PHLPP1: variants seen among roughly 807,000 people sequenced by gnomAD.
PHLPP1 encodes the protein PH domain and leucine rich repeat protein phosphatase 1, also known as PH domain leucine-rich repeat-containing protein phosphatase 1.
Under a neutral mutation model 117.2 loss-of-function variants are expected in PHLPP1, and 42 were observed. That is an observed-to-expected ratio of 0.36 (90% CI 0.28 to 0.46). PHLPP1 has a LOEUF of 0.46. Ranked by LOEUF, PHLPP1 falls within the 20% of genes least tolerant of loss-of-function variation. The probability of loss-of-function intolerance (pLI) is 1.00; values close to 1 mark genes in which losing one functional copy is unlikely to be tolerated. For synonymous variants in PHLPP1, 1,042 were observed against 970.7 expected (o/e 1.07, Z -1.37); for missense variants, 2,084 against 2,241.9 (o/e 0.93, Z 1.42).
At chr18:62,900,469 G>T in intron 6 of PHLPP1, among the ~76,000 whole-genome samples, 1 of 110,824 alleles carries the variant, frequency 9.0e-6, no homozygotes, top group Non-Finnish European at 1.7e-5. Flanking sequence ...TTTGAGACAG[G>T]GTCTCACTTT....
chr18:62,920,143 G>C, intron 10 of PHLPP1, 29 bp downstream of exon 10: 1 of 1,598,508 alleles, frequency 6.3e-7, no homozygotes, highest in South Asian at 1.1e-5. Context: ...TTTATCATCT[G>C]AGTCTATAAA....
chr18:62,717,238 T>C lies in PHLPP1; in HGVS notation c.1555T>C (p.Cys519Arg). ...QEEGMDSEIG[C>R]LIRFYAGKPH... is the part of the protein sequence containing the mutation. ...GGAAGGCATGGACTCGGAGATTGGC[T>C]GCCTCATCCGCTTCTATGCAGGTAA... The change falls in exon 1 of 17, where the codon TGC (cysteine) becomes CGC (arginine). Residue 519 changes from cysteine (C) to arginine (R), a missense_variant. Cys to Arg is a radical substitution (Grantham distance 180). Around this residue, in one of 2 missense-constraint regions of PHLPP1, gnomAD observed 1,365 missense variants for 1,605.9 expected, o/e 0.85. Transcript: ENST00000262719. The C allele has an allele frequency of 6.3e-7, 1 of 1,596,600 alleles. No homozygotes were observed. The highest frequency in any genetic ancestry group is 2.2e-5 in the East Asian group (1 of 44,506).
Position 62,777,244 on chromosome 18 carries a change from G to A in PHLPP1, c.1577-52791G>A, listed in dbSNP as rs544107235. On this transcript the variant is annotated intron_variant, in intron 1 of 16. Transcript: ENST00000262719. ...TCTTTTAAATTTGAGCCATTCTAAT[G>A]AGCTTGTAGTGGTATCTTATTGTAG... 7.2e-5 allele frequency among the ~76,000 whole-genome samples: 11 copies of A among 152,228 alleles called. No individual in the cohort carries two copies. In the East Asian group the frequency reaches 1.5e-3, roughly 21 times the overall value.
At chr18:62,864,180 C>A (rs1915710208) in intron 4 of PHLPP1, among the ~76,000 whole-genome samples, 1 of 152,020 alleles carries the variant, frequency 6.6e-6, no homozygotes, top group African/African-American at 2.4e-5. Context: ...CGCCACCACT[C>A]CCAGCTAATT....
At chr18:62,769,003 T>A (rs2144262845) in intron 1 of PHLPP1, among the ~76,000 whole-genome samples, 1 of 152,172 alleles carries the variant, frequency 6.6e-6, no homozygotes, top group East Asian at 1.9e-4. Flanking sequence ...CAAGGTTGAA[T>A]TAGAAATAAA....
At chr18:62,917,369 A>G (rs915642573) in intron 9 of PHLPP1, among the ~76,000 whole-genome samples, 2 of 148,164 alleles carry the variant, frequency 1.3e-5, no homozygotes, top group Non-Finnish European at 3.0e-5. Context: ...CAAATGCTCT[A>G]TTGTTAAAGA....
intron 3 of PHLPP1, among the ~76,000 whole-genome samples, chr18:62,845,491 C>T (rs1477265884): frequency 6.6e-6 from 1 of 152,250 alleles, no homozygotes; most frequent in African/African-American, 2.4e-5. Flanking sequence ...CTTTTGGTTT[C>T]ATTTGCTTAG....
At chr18:62,728,666 A>C (rs1430142241) in intron 1 of PHLPP1, among the ~76,000 whole-genome samples, 2 of 151,730 alleles carry the variant, frequency 1.3e-5, no homozygotes, top group Non-Finnish European at 2.9e-5. Flanking sequence ...ACACCACTAC[A>C]CCTGGGTACT....
chr18:62,768,697 TG>T (rs1437527546), intron 1 of PHLPP1, among the ~76,000 whole-genome samples: 3 of 152,186 alleles, frequency 2.0e-5, no homozygotes, highest in African/African-American at 7.2e-5. Flanking sequence ...GAAAAGAGGC[TG>T]CTCTAGGCAT....
chr18:62,833,764 C>G (rs903607435), intron 2 of PHLPP1, among the ~76,000 whole-genome samples: 3 of 152,174 alleles, frequency 2.0e-5, no homozygotes, highest in African/African-American at 7.2e-5. Flanking sequence ...CCACAATTTT[C>G]ATAATTCCTT....
chr18:62,847,593 G>A (rs1463520120), intron 3 of PHLPP1, among the ~76,000 whole-genome samples: 1 of 151,950 alleles, frequency 6.6e-6, no homozygotes, highest in Non-Finnish European at 1.5e-5. Context: ...TATTGGTAAG[G>A]GCCCTTGTAA....
rs564178033 is a variant in PHLPP1, at chr18:62,747,276, C to CTT, written c.1576+30037_1576+30038dup. ...CTAATTTTTAGGCTTTCTTCATTTC[C>CTT]TTTTTTTTTTTTTTTTTTTTTCTGT... On this transcript the variant is annotated intron_variant, in intron 1 of 16. Coordinates refer to ENST00000262719, the MANE Select transcript of PHLPP1 (RefSeq NM_194449.4). 3.2e-3 allele frequency among the ~76,000 whole-genome samples: 397 copies of CTT among 123,172 alleles called. 3 individuals carry two copies. Among genetic ancestry groups the CTT allele is most frequent in the African/African-American group, 0.011 (355 of 31,374 alleles). The allele number at this position is 123,172 out of a possible 152,430, so 80.8% of individuals were successfully genotyped here.
At chr18:62,821,548 C>CAAAAAAAAAAAAAAAAAAAAAAAAAAAAA (rs1568127680) in intron 1 of PHLPP1, among the ~76,000 whole-genome samples, 1 of 29,318 alleles carries the variant, frequency 3.4e-5, no homozygotes, top group African/African-American at 1.2e-4. Flanking sequence ...GACCCTTTAT[C>CAAAAAAAAAAAAAAAAAAAAAAAAAAAAA]CAAAAAAAAA....
chr18:62,771,024 G>C (rs567308247), intron 1 of PHLPP1, among the ~76,000 whole-genome samples: 2 of 152,090 alleles, frequency 1.3e-5, no homozygotes, highest in East Asian at 3.9e-4. Context: ...TTTGAGACCA[G>C]CCAACATGGT....
chr18:62,827,479 A>C (rs1914641355), intron 1 of PHLPP1, among the ~76,000 whole-genome samples: 1 of 152,180 alleles, frequency 6.6e-6, no homozygotes, highest in Non-Finnish European at 1.5e-5. Context: ...AGGAGGGTGC[A>C]CCTGGGTGAT....
At chr18:62,866,331 G>A (rs989827839) in intron 4 of PHLPP1, among the ~76,000 whole-genome samples, 6 of 150,294 alleles carry the variant, frequency 4.0e-5, no homozygotes, top group African/African-American at 4.9e-5. Context: ...TGCAACCTCC[G>A]CCCCCCAGGT....
chr18:62,894,881 C>T, intron 4 of PHLPP1, 130 bp from the exon 5 acceptor site: 1 of 703,422 alleles, frequency 1.4e-6, no homozygotes, highest in Non-Finnish European at 2.4e-6. Flanking sequence ...TCCTTAACCT[C>T]TCTGGGGCCC....
At chr18:62,826,032 T>G (rs2144327375) in intron 1 of PHLPP1, among the ~76,000 whole-genome samples, 1 of 152,318 alleles carries the variant, frequency 6.6e-6, no homozygotes, top group East Asian at 1.9e-4. Flanking sequence ...TGGAATGTGA[T>G]TTAAAGAAAT....
In PHLPP1 at chr18:62,890,398, C is replaced by T. The variant is rs538855726; in HGVS notation, c.2067-4613C>T. 1.5e-3 allele frequency among the ~76,000 whole-genome samples: 225 copies of T among 152,098 alleles called. 4 individuals carry two copies. Among genetic ancestry groups the T allele is most frequent in the Non-Finnish European group, 2.0e-3 (135 of 68,008 alleles). On this transcript the variant is annotated intron_variant, in intron 4 of 16. Coordinates refer to ENST00000262719, the MANE Select transcript of PHLPP1 (RefSeq NM_194449.4). ...TCTCCTGCCTCAGCCTGCCGAGTAGCTGGACTACAGGCACCCGCCACCACG... is the reference window on the plus strand; with the variant it reads ...TCTCCTGCCTCAGCCTGCCGAGTAGTTGGACTACAGGCACCCGCCACCACG...
Sources: gnomAD v4.1 joint callset for allele counts (sites outside exome capture counted in the v4.1 genomes callset) on GRCh38, gnomAD v4.1.1 for gene constraint, gnomAD v4.1.1 regional missense constraint, MANE v1.5 for transcripts, NCBI Gene and HGNC (gene_info 2026-07-23, HGNC 2026-07-21) for gene names.